FANCD2: variants seen among roughly 807,000 people sequenced by gnomAD.
FANCD2 encodes the protein Fanconi anemia group D2 protein.
In FANCD2, 131 loss-of-function variants were observed where a neutral mutation model predicts 192.3. That is an observed-to-expected ratio of 0.68 (90% CI 0.59 to 0.79). The LOEUF is 0.79. Among genes scored for constraint, FANCD2 ranks in the 30% least tolerant of loss-of-function variants. The probability of loss-of-function intolerance (pLI) is 0.00; values close to 1 mark genes in which losing one functional copy is unlikely to be tolerated. For synonymous variants in FANCD2, 524 were observed against 612.5 expected (o/e 0.86, Z 2.13); for missense variants, 1,508 against 1,701.6 (o/e 0.89, Z 2.00).
intron 25 of FANCD2, among the ~76,000 whole-genome samples, chr3:10,066,507 G>C (rs1226728449): frequency 6.6e-6 from 1 of 152,112 alleles, no homozygotes; most frequent in Non-Finnish European, 1.5e-5. Flanking sequence ...ATTTCAATAG[G>C]GAGTTCAAAG....
intron 3 of FANCD2, among the ~76,000 whole-genome samples, chr3:10,033,990 C>A (rs35819769): frequency 0.22 from 33,575 of 149,640 alleles, 4,868 homozygotes; most frequent in African/African-American, 0.42. Context: ...AGCCACCGCG[C>A]CCAGCCAAAG....
At chr3:10,098,572 T>C (rs2093166496) in intron 42 of FANCD2, 148 bp from the exon 43 acceptor site, 2 of 902,310 alleles carry the variant, frequency 2.2e-6, no homozygotes, top group Admixed American at 2.3e-5. Flanking sequence ...CTCCTCTAGA[T>C]GCTGAATCAC....
intron 26 of FANCD2, among the ~76,000 whole-genome samples, chr3:10,069,197 G>A (rs115159701): frequency 0.015 from 2,318 of 152,110 alleles, 36 homozygotes; most frequent in Middle Eastern, 0.031. Context: ...CATAGCAAAG[G>A]AAACACCAAA....
At chr3:10,068,884 A>G (rs1159898422) in intron 26 of FANCD2, among the ~76,000 whole-genome samples, 3 of 152,254 alleles carry the variant, frequency 2.0e-5, no homozygotes, top group Non-Finnish European at 2.9e-5. Context: ...CCAAGAATAT[A>G]CATTGGGGAA....
In FANCD2 at chr3:10,090,790, A is replaced by G. The variant is rs902450027; in HGVS notation, c.3777+405A>G. Among the ~76,000 whole-genome samples, 9 of 151,974 alleles carry G rather than the reference A, an allele frequency of 5.9e-5. No individual in the cohort carries two copies. The South Asian group carries it at 1.0e-3, about 18-fold the overall frequency. On this transcript the variant is annotated intron_variant, in intron 37 of 43. Transcript: ENST00000675286. Reference sequence around the variant, plus strand: ...CTGATTCTTCTATGTCTTGGGTCCAAGTTTTCTCCTAAGCTGTTTTTTGTT... The same window carrying G: ...CTGATTCTTCTATGTCTTGGGTCCAGGTTTTCTCCTAAGCTGTTTTTTGTT...
At chr3:10,032,201 A>G (rs1463485786) in intron 2 of FANCD2, 2 of 287,062 alleles carry the variant, frequency 7.0e-6, no homozygotes, top group South Asian at 5.7e-5. Flanking sequence ...TTTGCAGGCA[A>G]CAGCTTGAGA....
chr3:10,036,240 TG>T, intron 6 of FANCD2, 46 bp from the exon 7 acceptor site: 1 of 1,474,008 alleles, frequency 6.8e-7, no homozygotes, highest in Non-Finnish European at 9.5e-7. Flanking sequence ...ACATTTCTAT[TG>T]TGTATTTTGA....
At chr3:10,061,637 G>A (rs2087569516) in intron 19 of FANCD2, among the ~76,000 whole-genome samples, 1 of 152,082 alleles carries the variant, frequency 6.6e-6, no homozygotes, top group Non-Finnish European at 1.5e-5. Flanking sequence ...CACTAATTAA[G>A]TGCTTCCTCT....
chr3:10,091,808 A>G (rs1694627473), intron 37 of FANCD2, among the ~76,000 whole-genome samples: 1 of 152,230 alleles, frequency 6.6e-6, no homozygotes, highest in African/African-American at 2.4e-5. Flanking sequence ...AGAATCAGCA[A>G]CTACCACCGG....
At chr3:10,099,157 G>C (rs1575879030) in intron 43 of FANCD2, 1 of 1,446,196 alleles carries the variant, frequency 6.9e-7, no homozygotes, top group Non-Finnish European at 9.0e-7. Context: ...AGAAGAATGA[G>C]TTAAACCATT....
At chr3:10,060,999 C>G (rs2087551010) in intron 19 of FANCD2, among the ~76,000 whole-genome samples, 1 of 152,198 alleles carries the variant, frequency 6.6e-6, no homozygotes, top group African/African-American at 2.4e-5. Context: ...AAAGGAGTCA[C>G]AATGGTGGGA....
At chr3:10,037,754 A>C (rs2086766898) in intron 7 of FANCD2, 1 of 152,230 alleles carries the variant, frequency 6.6e-6, no homozygotes, top group Non-Finnish European at 1.5e-5. Context: ...AGAATTAGTT[A>C]ATATCATACA....
At chr3:10,036,483 T>A in intron 7 of FANCD2, 144 bp downstream of exon 7, 1 of 649,838 alleles carries the variant, frequency 1.5e-6, no homozygotes, top group East Asian at 2.9e-5. Context: ...TTTACTGGAG[T>A]GTCTTTGAAG....
In FANCD2 at chr3:10,063,885, C is replaced by T. The variant is rs765128164; in HGVS notation, c.1921C>T (p.His641Tyr). The T allele has an allele frequency of 1.1e-5, 17 of 1,614,138 alleles. No homozygotes were observed. The highest frequency in any genetic ancestry group is 1.4e-5 in the Non-Finnish European group (16 of 1,180,050). Reference protein sequence around the residue: ...YYDEFANLIQHEKLDPKALEW... With the variant: ...YYDEFANLIQYEKLDPKALEW... Reference sequence around the variant, plus strand: ...TGATGAATTTGCCAACCTGATCCAACATGAAAAGCTGGATCCAAAAGCCCT... The same window carrying T: ...TGATGAATTTGCCAACCTGATCCAATATGAAAAGCTGGATCCAAAAGCCCT... The change falls in exon 21 of 44, where the codon CAT (histidine) becomes TAT (tyrosine). Residue 641 changes from histidine to tyrosine, a missense_variant. His to Tyr is a moderately conservative substitution (Grantham distance 83). Coordinates refer to ENST00000675286, the MANE Select transcript of FANCD2 (RefSeq NM_001018115.3).
chr3:10,032,830 A>G lies in FANCD2; in HGVS notation c.65-2A>G. On this transcript the variant is annotated splice_acceptor_variant, in intron 2 of 43. Transcript: ENST00000675286. LOFTEE classifies it high-confidence loss of function. ...TATTCTTGAAAATTTTTCTATTTTC[A>G]GAAACCAGGAAGCAACCACTTTCCA... 6.2e-7 allele frequency: 1 copy of G among 1,611,782 alleles called. No individual in the cohort carries two copies. The highest frequency in any genetic ancestry group is 8.5e-7 in the Non-Finnish European group (1 of 1,178,910).
chr3:10,034,422 A>G, intron 3 of FANCD2, 47 bp from the exon 4 acceptor site: 1 of 1,398,324 alleles, frequency 7.2e-7, no homozygotes. Flanking sequence ...TAGAGAAGGA[A>G]AACTATGGTA....
chr3:10,039,826 G>C lies in FANCD2; in HGVS notation c.676G>C (p.Asp226His). Residue 226 changes from aspartate (D) to histidine (H), a missense_variant, in exon 9 of 44, where the codon GAT becomes CAT. Around this residue, in one of 5 missense-constraint regions of FANCD2, gnomAD observed 435 missense variants for 421.9 expected, o/e 1.03. Coordinates refer to ENST00000675286, the MANE Select transcript of FANCD2 (RefSeq NM_001018115.3). ...GATCCTAGGGGATTCCCAGCACGCT[G>C]ATGTGGGGAAAGAACTCAGGTGGAT... ...PEILGDSQHA[D>H]VGKELSDLLI... 2 of 1,613,982 alleles carry C rather than the reference G, an allele frequency of 1.2e-6. No homozygotes were observed. The highest frequency in any genetic ancestry group is 1.7e-6 in the Non-Finnish European group (2 of 1,180,012).
At chr3:10,092,790 T>C (rs1694730557) in intron 38 of FANCD2, among the ~76,000 whole-genome samples, 1 of 140,276 alleles carries the variant, frequency 7.1e-6, no homozygotes, top group Non-Finnish European at 1.5e-5. Flanking sequence ...CCTCCTAGAC[T>C]CAAGAATCTT....
intron 37 of FANCD2, among the ~76,000 whole-genome samples, chr3:10,091,455 G>C (rs1316818303): frequency 1.3e-5 from 2 of 149,392 alleles, no homozygotes; most frequent in Non-Finnish European, 3.0e-5. Flanking sequence ...CTGGATGTCA[G>C]ACTCAGACCC....
Sources: gnomAD v4.1 joint callset for allele counts (sites outside exome capture counted in the v4.1 genomes callset) on GRCh38, gnomAD v4.1.1 for gene constraint, gnomAD v4.1.1 regional missense constraint, MANE v1.5 for transcripts, NCBI Gene and HGNC (gene_info 2026-07-23, HGNC 2026-07-21) for gene names.